The following SOX5 variants were observed in gnomAD, a reference collection of about 807,000 sequenced individuals.
SOX5 encodes transcription factor SOX-5.
Under a neutral mutation model 92.0 loss-of-function variants are expected in SOX5, and 9 were observed. The observed-to-expected ratio is 0.10, with a 90% CI of 0.06 to 0.17. The LOEUF is 0.17. Among genes scored for constraint, SOX5 ranks in the 10% least tolerant of loss-of-function variants. The probability of loss-of-function intolerance (pLI) is 1.00; values close to 1 mark genes in which losing one functional copy is unlikely to be tolerated. For synonymous variants in SOX5, 344 were observed against 336.3 expected, an observed-to-expected ratio of 1.02 and a Z score of -0.25; for missense variants, 642 against 944.5, an observed-to-expected ratio of 0.68 and a Z score of 4.20.
chr12:24,401,961 A>G (rs1164269538), intron 1 of SOX5, among the ~76,000 whole-genome samples: 1 of 152,174 alleles, frequency 6.6e-6, no homozygotes, highest in African/African-American at 2.4e-5. Flanking sequence ...CTACTCACAT[A>G]AAGGATTTAC....
intron 3 of SOX5, among the ~76,000 whole-genome samples, chr12:23,793,173 T>C (rs2142001225): frequency 6.6e-6 from 1 of 152,336 alleles, no homozygotes; most frequent in Admixed American, 6.5e-5. Context: ...TACATTTGTA[T>C]ATTTTTCATC....
chr12:24,235,333 G>C (rs937451480), intron 3 of SOX5, among the ~76,000 whole-genome samples: 2 of 152,098 alleles, frequency 1.3e-5, no homozygotes, highest in Non-Finnish European at 2.9e-5. Flanking sequence ...ATTAGCAGAG[G>C]TAAATAAAAT....
At chr12:24,271,596 T>C (rs1486614354) in intron 3 of SOX5, among the ~76,000 whole-genome samples, 2 of 152,208 alleles carry the variant, frequency 1.3e-5, no homozygotes, top group Non-Finnish European at 2.9e-5. Context: ...TTAGAGTCTG[T>C]CAATATTGTT....
At chr12:23,893,778 A>G (rs1195624672) in intron 2 of SOX5, among the ~76,000 whole-genome samples, 1 of 152,240 alleles carries the variant, frequency 6.6e-6, no homozygotes, top group Non-Finnish European at 1.5e-5. Flanking sequence ...TTCTTACACT[A>G]CTGACCTGTG....
intron 3 of SOX5, among the ~76,000 whole-genome samples, chr12:23,817,957 G>A (rs2096028792): frequency 6.6e-6 from 1 of 152,142 alleles, no homozygotes; most frequent in Non-Finnish European, 1.5e-5. Context: ...GACTGAATAG[G>A]TGATCACACA....
At chr12:23,906,642 A>T (rs2138196036) in intron 1 of SOX5, among the ~76,000 whole-genome samples, 1 of 152,348 alleles carries the variant, frequency 6.6e-6, no homozygotes, top group Middle Eastern at 3.4e-3. Flanking sequence ...TGGGACAGAC[A>T]CAGGATTGTG....
chr12:23,951,847 A>G (rs1747769532), upstream of SOX5, among the ~76,000 whole-genome samples: 1 of 152,128 alleles, frequency 6.6e-6, no homozygotes, highest in African/African-American at 2.4e-5. Flanking sequence ...ATTACTCACT[A>G]TTCTTTCTTG....
chr12:24,274,012 A>G (rs2140348155), intron 3 of SOX5, among the ~76,000 whole-genome samples: 1 of 152,272 alleles, frequency 6.6e-6, no homozygotes, highest in East Asian at 1.9e-4. Flanking sequence ...AAAATGGTTG[A>G]GGCTTAATTT....
intron 4 of SOX5, among the ~76,000 whole-genome samples, chr12:23,980,708 G>A (rs1342105566): frequency 6.6e-6 from 1 of 151,916 alleles, no homozygotes; most frequent in Non-Finnish European, 1.5e-5. Context: ...CTCTTCTTAT[G>A]CCCTGCTGTA....
chr12:24,392,681 C>T (rs555983678), intron 1 of SOX5, among the ~76,000 whole-genome samples: 3 of 152,148 alleles, frequency 2.0e-5, no homozygotes, highest in Non-Finnish European at 2.9e-5. Flanking sequence ...TCCATCTCTA[C>T]CCCTAGAACC....
intron 1 of SOX5, among the ~76,000 whole-genome samples, chr12:24,538,819 A>T (rs951862070): frequency 2.6e-5 from 4 of 152,212 alleles, no homozygotes; most frequent in Non-Finnish European, 4.4e-5. Flanking sequence ...GTACTATGAC[A>T]TATTTAAAAT....
At chr12:23,828,258 C>CA (rs1423747547) in intron 3 of SOX5, among the ~76,000 whole-genome samples, 2 of 152,132 alleles carry the variant, frequency 1.3e-5, no homozygotes, top group Admixed American at 1.3e-4. Flanking sequence ...TGCACAAGGG[C>CA]AAAATCACCT....
At chr12:23,742,498 C>A (rs1593917759) in intron 4 of SOX5, among the ~76,000 whole-genome samples, 1 of 152,040 alleles carries the variant, frequency 6.6e-6, no homozygotes, top group Non-Finnish European at 1.5e-5. Context: ...ACTATTATAT[C>A]CTAATATTAA....
At chr12:24,104,809 T>A (rs1187643613) in intron 4 of SOX5, among the ~76,000 whole-genome samples, 1 of 152,236 alleles carries the variant, frequency 6.6e-6, no homozygotes, top group Admixed American at 6.5e-5. Flanking sequence ...TGTTCCAATA[T>A]AACAGTTGGG....
intron 8 of SOX5, among the ~76,000 whole-genome samples, chr12:23,614,927 G>C (rs1293603653): frequency 6.6e-6 from 1 of 152,170 alleles, no homozygotes; most frequent in South Asian, 2.1e-4. Flanking sequence ...TCAGCCTCCT[G>C]AGTAGCTGGG....
intron 1 of SOX5, among the ~76,000 whole-genome samples, chr12:24,375,391 G>A (rs1195146036): frequency 6.6e-6 from 1 of 152,090 alleles, no homozygotes; most frequent in Admixed American, 6.6e-5. Flanking sequence ...CAGCTATTTT[G>A]TGTTCACTTT....
intron 4 of SOX5, among the ~76,000 whole-genome samples, chr12:23,997,441 T>C (rs1196437072): frequency 6.6e-6 from 1 of 152,166 alleles, no homozygotes; most frequent in South Asian, 2.1e-4. Flanking sequence ...AGATAAGAAA[T>C]AGACCTGCCT....
intron 4 of SOX5, among the ~76,000 whole-genome samples, chr12:24,197,596 T>C (rs891613222): frequency 2.6e-5 from 4 of 152,080 alleles, no homozygotes; most frequent in Admixed American, 2.6e-4. Context: ...GAAAACCTTT[T>C]AGAAGGGGAC....
At chr12:24,535,885 C>T (rs1951596743) in intron 1 of SOX5, among the ~76,000 whole-genome samples, 2 of 151,970 alleles carry the variant, frequency 1.3e-5, no homozygotes, top group African/African-American at 4.8e-5. Context: ...ACAATTGCTT[C>T]CCCCGCCCCA....
Sources: allele counts gnomAD v4.1 joint callset (sites outside exome capture counted in the v4.1 genomes callset), GRCh38; gene constraint gnomAD v4.1.1; transcripts MANE v1.5; gene names NCBI Gene and HGNC (gene_info 2026-07-23, HGNC 2026-07-21).